MVB12B: variants seen among roughly 807,000 people sequenced by gnomAD.
MVB12B encodes ESCRT-I complex subunit MVB12B.
MVB12B carries 16 observed loss-of-function variants against 41.6 expected under a neutral mutation model. The ratio of observed to expected loss-of-function variants is 0.38; its 90% CI spans 0.26 to 0.58. The LOEUF is 0.58. Among genes scored for constraint, MVB12B ranks in the 20% least tolerant of loss-of-function variants. The pLI, the probability that MVB12B is intolerant of heterozygous loss-of-function variation, is 0.62. For synonymous variants in MVB12B, 133 were observed against 139.7 expected (o/e 0.95, Z 0.34); for missense variants, 274 against 380.2 (o/e 0.72, Z 2.32).
chr9:126,416,226 T>A (rs1831820122), intron 6 of MVB12B, among the ~76,000 whole-genome samples: 1 of 152,160 alleles, frequency 6.6e-6, no homozygotes, highest in Non-Finnish European at 1.5e-5. Context: ...GGAGTAGGAT[T>A]GAAGCTCGCG....
rs1159127470 is a variant in MVB12B at position 126,459,852 on chromosome 9, C to T, written c.758-21517C>T. Among the ~76,000 whole-genome samples the T allele has an allele frequency of 1.3e-5, 2 of 152,176 alleles. No individual in the cohort carries two copies. The highest frequency in any genetic ancestry group is 1.5e-5 in the Non-Finnish European group (1 of 68,050). The stretch of plus-strand genomic sequence containing the variant: ...ATCGCCAGCTTCAGCCCACCCATCT[C>T]GAGGGAGAGAAAGGGCTCCGGGGCT... On this transcript the variant is annotated intron_variant, in intron 7 of 9. Coordinates refer to ENST00000361171, the MANE Select transcript of MVB12B (RefSeq NM_033446.3). The surrounding 1 kb of genome is among the most constrained non-coding windows in gnomAD (Gnocchi z 4.3).
chr9:126,461,883 C>T (rs1475632294), intron 7 of MVB12B, among the ~76,000 whole-genome samples: 2 of 152,192 alleles, frequency 1.3e-5, no homozygotes, highest in Non-Finnish European at 2.9e-5. Flanking sequence ...CTCGCCCACC[C>T]GCCAGCCATT....
chr9:126,398,905 G>A (rs943181137), intron 6 of MVB12B, among the ~76,000 whole-genome samples: 1 of 151,934 alleles, frequency 6.6e-6, no homozygotes, highest in Non-Finnish European at 1.5e-5. Flanking sequence ...TTGGAATGCC[G>A]TTCATTCCCA....
chr9:126,436,566 G>T lies in MVB12B; in HGVS notation c.757+14618G>T, dbSNP rs1335156340. On this transcript the variant is annotated intron_variant, in intron 7 of 9. Coordinates refer to ENST00000361171, the MANE Select transcript of MVB12B (RefSeq NM_033446.3). This position sits in a 1 kb window ranked among gnomAD's most constrained non-coding sequence, Gnocchi z 4.1. ...TACCTATGACTTTTCATTTGTAAATGCTTTAGCTACATGTATGTGTATGTA... is the reference window on the plus strand; with the variant it reads ...TACCTATGACTTTTCATTTGTAAATTCTTTAGCTACATGTATGTGTATGTA... Among the ~76,000 whole-genome samples, 3 of 152,242 alleles carry T rather than the reference G, an allele frequency of 2.0e-5. No individual in the cohort carries two copies. The highest frequency in any genetic ancestry group is 4.4e-5 in the Non-Finnish European group (3 of 68,044).
At chr9:126,387,887 G>A (rs1303786438) in intron 4 of MVB12B, among the ~76,000 whole-genome samples, 1 of 152,160 alleles carries the variant, frequency 6.6e-6, no homozygotes, top group Admixed American at 6.5e-5. Flanking sequence ...ATCTGGAAGT[G>A]GAGGAATAAC....
chr9:126,379,055 T>G (rs901644628), intron 2 of MVB12B, among the ~76,000 whole-genome samples: 1 of 152,194 alleles, frequency 6.6e-6, no homozygotes. Flanking sequence ...CACAGCTCCC[T>G]GTCTTCCAAG....
chr9:126,458,130 T>C (rs1203155419), intron 7 of MVB12B, among the ~76,000 whole-genome samples: 2 of 152,144 alleles, frequency 1.3e-5, no homozygotes, highest in African/African-American at 4.8e-5. Context: ...AAACGGTTTT[T>C]CCACTGACCC....
At chr9:126,422,292 C>T (rs1312301884) in intron 7 of MVB12B, among the ~76,000 whole-genome samples, 1 of 152,172 alleles carries the variant, frequency 6.6e-6, no homozygotes, top group Non-Finnish European at 1.5e-5. Context: ...CGAGCTGAGC[C>T]CTGGTCGGCT....
intron 6 of MVB12B, among the ~76,000 whole-genome samples, chr9:126,412,790 A>G (rs1831689799): frequency 6.6e-6 from 1 of 152,158 alleles, no homozygotes; most frequent in Non-Finnish European, 1.5e-5. Context: ...GCCCATGGAA[A>G]AAAGATTGTC....
chr9:126,367,140 G>A lies in MVB12B; in HGVS notation c.205-13924G>A, dbSNP rs748890428. Among the ~76,000 whole-genome samples the A allele has an allele frequency of 5.3e-5, 8 of 152,164 alleles. No individual in the cohort carries two copies. The highest frequency in any genetic ancestry group is 7.4e-5 in the Non-Finnish European group (5 of 67,998). ...GGATAAGGTCCTCACAAGTCTTGACGCGGGTAGTTTCTTCTAAGCAGTCTC... is the reference window on the plus strand; with the variant it reads ...GGATAAGGTCCTCACAAGTCTTGACACGGGTAGTTTCTTCTAAGCAGTCTC... On this transcript the variant is annotated intron_variant, in intron 2 of 9. Coordinates refer to ENST00000361171, the MANE Select transcript of MVB12B (RefSeq NM_033446.3). This position sits in a 1 kb window ranked among gnomAD's most constrained non-coding sequence, Gnocchi z 4.3.
intron 2 of MVB12B, among the ~76,000 whole-genome samples, chr9:126,356,060 G>C (rs564520018): frequency 6.6e-6 from 1 of 151,890 alleles, no homozygotes; most frequent in African/African-American, 2.4e-5. Flanking sequence ...TTTTTGTTTG[G>C]CTTCTTTCAC....
At chr9:126,499,211 C>T (rs1255866340) in intron 9 of MVB12B, among the ~76,000 whole-genome samples, 1 of 152,166 alleles carries the variant, frequency 6.6e-6, no homozygotes, top group Non-Finnish European at 1.5e-5. Context: ...GCACCGTGGC[C>T]TGAGACGCCT....
At chr9:126,381,503 G>C (rs1336634514) in intron 3 of MVB12B, among the ~76,000 whole-genome samples, 1 of 152,244 alleles carries the variant, frequency 6.6e-6, no homozygotes, top group East Asian at 1.9e-4. Context: ...CAGTGGAGCG[G>C]GATTTAATGC....
intron 6 of MVB12B, among the ~76,000 whole-genome samples, chr9:126,409,004 C>T (rs1831535602): frequency 6.6e-6 from 1 of 152,134 alleles, no homozygotes. Context: ...GGATGGCCAC[C>T]TTGTCACCTT....
intron 7 of MVB12B, among the ~76,000 whole-genome samples, chr9:126,464,296 C>T (rs988944334): frequency 6.6e-6 from 1 of 152,172 alleles, no homozygotes; most frequent in South Asian, 2.1e-4. Flanking sequence ...CCAGGCTGAT[C>T]CCACAGCAAG....
At position 126,395,353 on chromosome 9, in the gene MVB12B, G is replaced by A. The variant is rs115995434; in HGVS notation, c.540-222G>A. Among the ~76,000 whole-genome samples the A allele has an allele frequency of 7.4e-3, 1,124 of 152,280 alleles. 19 individuals carry two copies. Among genetic ancestry groups the A allele is most frequent in the African/African-American group, 0.026 (1,079 of 41,552 alleles). The stretch of plus-strand genomic sequence containing the variant: ...CAAGCTTGGGAAGGGTGATGCAGGC[G>A]GCCTTGTCCCGAAGGCCTGCCTAGA... On this transcript the variant is annotated intron_variant, in intron 5 of 9. Transcript: ENST00000361171. This position sits in a 1 kb window ranked among gnomAD's most constrained non-coding sequence, Gnocchi z 4.9.
intron 7 of MVB12B, among the ~76,000 whole-genome samples, chr9:126,454,959 TG>T (rs1832952479): frequency 6.6e-6 from 1 of 151,908 alleles, no homozygotes; most frequent in African/African-American, 2.4e-5. Flanking sequence ...AGCCTGTGGG[TG>T]CGCAGGGCAG....
chr9:126,336,058 C>T (rs1829266070), intron 1 of MVB12B, among the ~76,000 whole-genome samples: 1 of 152,258 alleles, frequency 6.6e-6, no homozygotes, highest in Non-Finnish European at 1.5e-5. Flanking sequence ...GGGCCCACTG[C>T]CCAGGGCACC....
intron 7 of MVB12B, among the ~76,000 whole-genome samples, chr9:126,450,955 G>T (rs1832877044): frequency 6.6e-6 from 1 of 152,316 alleles, no homozygotes; most frequent in African/African-American, 2.4e-5. Flanking sequence ...CAGCCCAAAA[G>T]GGGACACATT....
Sources: allele counts gnomAD v4.1 joint callset (sites outside exome capture counted in the v4.1 genomes callset), GRCh38; gene constraint gnomAD v4.1.1; non-coding constraint Gnocchi (gnomAD v3.1); transcripts MANE v1.5; gene names NCBI Gene and HGNC (gene_info 2026-07-23, HGNC 2026-07-21).